HTR1F: variants seen among roughly 807,000 people sequenced by gnomAD.
HTR1F encodes the protein 5-hydroxytryptamine (serotonin) receptor 1F, G protein-coupled.
In HTR1F, 17 loss-of-function variants were observed where a neutral mutation model predicts 24.0. The ratio of observed to expected loss-of-function variants is 0.71; its 90% confidence interval spans 0.48 to 1.06. The LOEUF is 1.06. Among genes scored for constraint, HTR1F ranks in the 50% least tolerant of loss-of-function variants. HTR1F has a pLI of 0.00. For missense variants in HTR1F, 391 were observed against 427.8 expected (o/e 0.91, Z 0.76); for synonymous variants, 186 against 156.8 (o/e 1.19, Z -1.39).
chr3:87,852,392 C>T (rs1004112188), intron 2 of HTR1F, among the ~76,000 whole-genome samples: 1 of 151,598 alleles, frequency 6.6e-6, no homozygotes, highest in African/African-American at 2.4e-5. Flanking sequence ...TGGCTTATTT[C>T]TAAAATTGCT....
chr3:87,964,121 G>A (rs1367671714), intron 2 of HTR1F, among the ~76,000 whole-genome samples: 1 of 152,026 alleles, frequency 6.6e-6, no homozygotes, highest in Non-Finnish European at 1.5e-5. Context: ...TGGCTGCCGG[G>A]TGCTTTAACT....
intron 2 of HTR1F, among the ~76,000 whole-genome samples, chr3:87,947,617 C>T (rs1210972586): frequency 2.0e-5 from 3 of 152,034 alleles, no homozygotes; most frequent in Non-Finnish European, 2.9e-5. Context: ...CTTGAATACT[C>T]GACCCCAAAA....
Position 87,886,720 on chromosome 3 carries a change from C to T in HTR1F, c.-43+64596C>T, listed in dbSNP as rs142945000. On this transcript the variant is annotated intron_variant, in intron 2 of 2. Coordinates refer to ENST00000319595, the MANE Select transcript of HTR1F (RefSeq NM_001322209.2). ...AAAAGACAGCCAAATCATGACTGAA[C>T]ACCCATTCACAATTGCTACAGAGAA... is the stretch of plus-strand genomic sequence containing the variant. 6.5e-4 allele frequency among the ~76,000 whole-genome samples: 99 copies of T among 152,244 alleles called. 1 individual carries two copies. Among genetic ancestry groups the T allele is most frequent in the Middle Eastern group, 3.4e-3 (1 of 294 alleles).
At chr3:87,894,095 T>C (rs1706146031) in intron 2 of HTR1F, among the ~76,000 whole-genome samples, 1 of 152,062 alleles carries the variant, frequency 6.6e-6, no homozygotes, top group Admixed American at 6.6e-5. Flanking sequence ...AGTTCTTTAG[T>C]GGTGATTTGT....
chr3:87,811,866 G>A (rs929721164), intron 1 of HTR1F, among the ~76,000 whole-genome samples: 66 of 152,302 alleles, frequency 4.3e-4, no homozygotes, highest in African/African-American at 1.4e-3. Context: ...AGAGGGAGGT[G>A]TTTGGATCAT....
At chr3:87,894,815 T>G (rs1575998847) in intron 2 of HTR1F, among the ~76,000 whole-genome samples, 2 of 152,146 alleles carry the variant, frequency 1.3e-5, no homozygotes, top group Non-Finnish European at 2.9e-5. Context: ...AGAGTTAATA[T>G]GCTGAGAAAA....
At chr3:87,833,369 T>G (rs183230925) in intron 2 of HTR1F, among the ~76,000 whole-genome samples, 1 of 152,188 alleles carries the variant, frequency 6.6e-6, no homozygotes, top group Non-Finnish European at 1.5e-5. Flanking sequence ...CAAAATAACT[T>G]AATCTACTTG....
intron 2 of HTR1F, among the ~76,000 whole-genome samples, chr3:87,956,117 C>A (rs1371160356): frequency 1.3e-5 from 2 of 151,174 alleles, no homozygotes; most frequent in East Asian, 3.9e-4. Flanking sequence ...TACTAAGAGA[C>A]CTTTGCTTAA....
chr3:87,805,813 G>T (rs950684597), intron 1 of HTR1F, among the ~76,000 whole-genome samples: 6 of 151,938 alleles, frequency 3.9e-5, no homozygotes, highest in African/African-American at 1.5e-4. Context: ...AAAAAGAAAA[G>T]AAAATGAAAT....
intron 2 of HTR1F, among the ~76,000 whole-genome samples, chr3:87,882,857 A>AT (rs967678843): frequency 3.0e-4 from 45 of 152,240 alleles, no homozygotes; most frequent in African/African-American, 1.0e-3. Context: ...AAGTATAATA[A>AT]TAAAAAAATA....
chr3:87,942,409 A>G (rs1186133676), intron 2 of HTR1F, among the ~76,000 whole-genome samples: 5 of 152,020 alleles, frequency 3.3e-5, no homozygotes, highest in African/African-American at 1.2e-4. Flanking sequence ...CCTGGCCCTC[A>G]ATGGTCAAGC....
At chr3:87,928,924 C>G (rs577641230) in intron 2 of HTR1F, among the ~76,000 whole-genome samples, 1 of 152,274 alleles carries the variant, frequency 6.6e-6, no homozygotes, top group South Asian at 2.1e-4. Flanking sequence ...AGTCTAAAAG[C>G]TAGTCTAAGC....
At chr3:87,946,147 G>A (rs567639290) in intron 2 of HTR1F, among the ~76,000 whole-genome samples, 20 of 152,336 alleles carry the variant, frequency 1.3e-4, no homozygotes, top group African/African-American at 2.2e-4. Flanking sequence ...TAGCCCAATC[G>A]GGAGCGGCAA....
At chr3:87,965,754 C>A (rs911189744) in intron 2 of HTR1F, among the ~76,000 whole-genome samples, 1 of 152,124 alleles carries the variant, frequency 6.6e-6, no homozygotes, top group African/African-American at 2.4e-5. Flanking sequence ...ATAGCTTACA[C>A]AATACAAAAT....
Position 87,967,594 on chromosome 3 carries a change from G to A in HTR1F, c.-42-23114G>A, listed in dbSNP as rs964333309. ...GGGAGGTAATTGAATCATGGGGGGG[G>A]GTGGGTAGGTCTTTCCTGTGCTGTT... On this transcript the variant is annotated intron_variant, in intron 2 of 2. Transcript: ENST00000319595. Among the ~76,000 whole-genome samples, 9 of 151,706 alleles carry A rather than the reference G, an allele frequency of 5.9e-5. No individual in the cohort carries two copies. The East Asian group carries it at 1.4e-3, about 23-fold the overall frequency.
At chr3:87,943,948 G>A (rs1311698639) in intron 2 of HTR1F, among the ~76,000 whole-genome samples, 1 of 152,280 alleles carries the variant, frequency 6.6e-6, no homozygotes, top group Middle Eastern at 3.4e-3. Context: ...AAAGAACATA[G>A]GGATGCCAGC....
intron 2 of HTR1F, among the ~76,000 whole-genome samples, chr3:87,827,289 C>T (rs1382782202): frequency 2.0e-5 from 3 of 152,026 alleles, no homozygotes; most frequent in Non-Finnish European, 4.4e-5. Context: ...TGTTATTCCC[C>T]TCCCTGTGTC....
chr3:87,968,836 C>A (rs1409763121), intron 2 of HTR1F, among the ~76,000 whole-genome samples: 1 of 152,184 alleles, frequency 6.6e-6, no homozygotes, highest in Non-Finnish European at 1.5e-5. Flanking sequence ...GGCCCAGAGG[C>A]CTAGAAGGCA....
At chr3:87,920,122 C>T (rs1576030901) in intron 2 of HTR1F, among the ~76,000 whole-genome samples, 1 of 151,072 alleles carries the variant, frequency 6.6e-6, no homozygotes, top group East Asian at 1.9e-4. Context: ...AGGTTGGAGA[C>T]TATTATTCTA....
Sources: gnomAD v4.1 joint callset for allele counts (sites outside exome capture counted in the v4.1 genomes callset) on GRCh38, gnomAD v4.1.1 for gene constraint, MANE v1.5 for transcripts, NCBI Gene and HGNC (gene_info 2026-07-23, HGNC 2026-07-21) for gene names.